The following HIVEP2 variants were observed in gnomAD, a reference collection of about 807,000 sequenced individuals.
The protein encoded by HIVEP2 is transcription factor HIVEP2.
HIVEP2 carries 14 observed loss-of-function variants against 180.7 expected under a neutral mutation model. That is an observed-to-expected ratio of 0.08 (90% CI 0.05 to 0.12). The LOEUF (loss-of-function observed/expected upper bound fraction) is 0.12, where lower values mean the gene tolerates loss of function less well. Ranked by LOEUF, HIVEP2 falls within the 10% of genes least tolerant of loss-of-function variation. The probability of loss-of-function intolerance (pLI) is 1.00; values close to 1 mark genes in which losing one functional copy is unlikely to be tolerated. For synonymous variants in HIVEP2, 1,184 were observed against 1,136.4 expected, an observed-to-expected ratio of 1.04 and a Z score of -0.84; for missense variants, 2,579 against 3,008.5, an observed-to-expected ratio of 0.86 and a Z score of 3.34.
chr6:142,897,799 T>C (rs1233600840), intron 1 of HIVEP2, among the ~76,000 whole-genome samples: 1 of 152,182 alleles, frequency 6.6e-6, no homozygotes, highest in Non-Finnish European at 1.5e-5. Flanking sequence ...ATATATTATA[T>C]TACACAATTT....
chr6:142,793,308 A>G (rs1354093161), intron 2 of HIVEP2, among the ~76,000 whole-genome samples: 1 of 152,348 alleles, frequency 6.6e-6, no homozygotes, highest in South Asian at 2.1e-4. Flanking sequence ...TGTGATACTC[A>G]TGCTGTGCTT....
intron 1 of HIVEP2, among the ~76,000 whole-genome samples, chr6:142,846,050 C>T (rs537253419): frequency 6.6e-6 from 1 of 152,330 alleles, no homozygotes; most frequent in South Asian, 2.1e-4. Context: ...GTCCAGGCCA[C>T]GGCAACAACA....
intron 9 of HIVEP2, among the ~76,000 whole-genome samples, chr6:142,756,743 C>A (rs941021222): frequency 2.0e-5 from 3 of 151,656 alleles, no homozygotes; most frequent in Non-Finnish European, 2.9e-5. Flanking sequence ...TCGAACCATG[C>A]GTAGTAGACC....
intron 1 of HIVEP2, among the ~76,000 whole-genome samples, chr6:142,889,326 G>A (rs919951250): frequency 4.6e-5 from 7 of 152,088 alleles, no homozygotes; most frequent in Admixed American, 3.3e-4. Flanking sequence ...AGCTGGGTGT[G>A]GTGGCATGCA....
intron 2 of HIVEP2, among the ~76,000 whole-genome samples, chr6:142,785,927 C>T (rs761307968): frequency 2.6e-5 from 4 of 152,064 alleles, no homozygotes; most frequent in Non-Finnish European, 5.9e-5. Flanking sequence ...GATTTTAAAG[C>T]AAAGATGCAA....
intron 2 of HIVEP2, among the ~76,000 whole-genome samples, chr6:142,819,412 T>G (rs1014367777): frequency 1.3e-5 from 2 of 152,160 alleles, no homozygotes; most frequent in Non-Finnish European, 2.9e-5. Flanking sequence ...GAAAAGGCTA[T>G]GAAGCAAGAA....
At chr6:142,863,241 A>T (rs1776052180) in intron 1 of HIVEP2, among the ~76,000 whole-genome samples, 1 of 151,162 alleles carries the variant, frequency 6.6e-6, no homozygotes, top group Admixed American at 6.6e-5. Flanking sequence ...TTAATATAAA[A>T]CCTCTTATAA....
At chr6:142,799,820 G>A (rs1776363726) in intron 2 of HIVEP2, among the ~76,000 whole-genome samples, 1 of 152,174 alleles carries the variant, frequency 6.6e-6, no homozygotes, top group South Asian at 2.1e-4. Flanking sequence ...TCCCTTTGCA[G>A]TCTAGCAGGG....
chr6:142,907,233 T>C (rs1326776550), intron 1 of HIVEP2, among the ~76,000 whole-genome samples: 1 of 152,228 alleles, frequency 6.6e-6, no homozygotes, highest in East Asian at 1.9e-4. Context: ...CATCCATTAT[T>C]TCTATGGGAG....
intron 1 of HIVEP2, among the ~76,000 whole-genome samples, chr6:142,877,884 G>T (rs1776483487): frequency 6.6e-6 from 1 of 152,158 alleles, no homozygotes; most frequent in Admixed American, 6.5e-5. Context: ...TTTGTGATTA[G>T]AAAGATGTAT....
rs140438307 is a variant in HIVEP2 at position 142,832,564 on chromosome 6, T to C, written c.-528+4371A>G. ...CCCAAAATGCAAATAATAGATGAGG[T>C]AGAAAATGCGATTAAGAAAGCGAAT... is the stretch of plus-strand genomic sequence containing the variant. On this transcript the variant is annotated intron_variant, in intron 2 of 9. Transcript: ENST00000367603. Among the ~76,000 whole-genome samples, 568 of 152,252 alleles carry C rather than the reference T, an allele frequency of 3.7e-3. 20 individuals are homozygous for C. Among genetic ancestry groups the C allele is most frequent in the Admixed American group, 0.034 (520 of 15,300 alleles).
At chr6:142,765,499 G>T (rs73586514) in intron 6 of HIVEP2, among the ~76,000 whole-genome samples, 1 of 152,168 alleles carries the variant, frequency 6.6e-6, no homozygotes, top group African/African-American at 2.4e-5. Flanking sequence ...TGGCACGAGA[G>T]TGCCTCAGAA....
intron 2 of HIVEP2, among the ~76,000 whole-genome samples, chr6:142,784,213 T>A (rs1032905347): frequency 7.9e-5 from 12 of 152,180 alleles, no homozygotes; most frequent in Non-Finnish European, 1.8e-4. Flanking sequence ...TCTGAATAGA[T>A]TAATCAACAA....
At chr6:142,865,814 G>A (rs956191544) in intron 1 of HIVEP2, among the ~76,000 whole-genome samples, 25 of 152,256 alleles carry the variant, frequency 1.6e-4, no homozygotes, top group Middle Eastern at 3.4e-3. Flanking sequence ...ACTGCCTTGG[G>A]ACGAGTTATG....
rs534468244 is a variant in HIVEP2 at position 142,884,687 on chromosome 6, G to T, written c.-640-47640C>A. Among the ~76,000 whole-genome samples, 15 of 152,214 alleles carry T rather than the reference G, an allele frequency of 9.9e-5. No homozygotes were observed. In the South Asian group the frequency reaches 3.1e-3, roughly 32 times the overall value. Reference sequence around the variant, plus strand: ...AAGAGGAAGAGAAAGAAAAGGAGGAGTTAGGAAGACAGACTAGCAAAAAAG... The same window carrying T: ...AAGAGGAAGAGAAAGAAAAGGAGGATTTAGGAAGACAGACTAGCAAAAAAG... On this transcript the variant is annotated intron_variant, in intron 1 of 9. Coordinates refer to ENST00000367603, the MANE Select transcript of HIVEP2 (RefSeq NM_006734.4).
chr6:142,871,756 G>A (rs1460489000), intron 1 of HIVEP2, among the ~76,000 whole-genome samples: 1 of 152,000 alleles, frequency 6.6e-6, no homozygotes. Flanking sequence ...GACTTAGTTT[G>A]CCTATCCCCT....
intron 1 of HIVEP2, among the ~76,000 whole-genome samples, chr6:142,893,398 G>C (rs1776908451): frequency 1.3e-5 from 2 of 152,106 alleles, no homozygotes; most frequent in South Asian, 4.1e-4. Context: ...AATTTCCCTT[G>C]AAAAATTTGA....
Position 142,769,796 on chromosome 6 carries a change from C to G in HIVEP2, c.4943G>C (p.Ser1648Thr). The G allele has an allele frequency of 6.2e-7, 1 of 1,614,224 alleles. No individual in the cohort carries two copies. The highest frequency in any genetic ancestry group is 8.5e-7 in the Non-Finnish European group (1 of 1,180,038). Residue 1648 changes from serine (S) to threonine (T), a missense_variant, in exon 5 of 10, where the codon AGT (serine) becomes ACT (threonine). Physicochemically the swap from Ser to Thr is moderately conservative, Grantham distance 58 (BLOSUM62 1). Transcript: ENST00000367603. ...FPSLRTTTTV[S>T]WCFLNYTKPN... is the part of the protein sequence containing the mutation. ...TTTTGTATAATTCAAGAAGCACCAA[C>G]TCACAGTAGTTGTTGTCCGCAGACT...
At chr6:142,863,055 A>G (rs1232484830) in intron 1 of HIVEP2, among the ~76,000 whole-genome samples, 1 of 142,534 alleles carries the variant, frequency 7.0e-6, no homozygotes, top group Non-Finnish European at 1.5e-5. Flanking sequence ...TATATTATAT[A>G]TTATGTAATA....
Sources: allele counts gnomAD v4.1 joint callset (sites outside exome capture counted in the v4.1 genomes callset), GRCh38; gene constraint gnomAD v4.1.1; transcripts MANE v1.5; gene names NCBI Gene and HGNC (gene_info 2026-07-23, HGNC 2026-07-21).